The following HECW2 variants were observed in gnomAD, a reference collection of about 807,000 sequenced individuals.
The protein encoded by HECW2 is HECT, C2 and WW domain containing E3 ubiquitin protein ligase 2, also known as E3 ubiquitin-protein ligase HECW2.
Under a neutral mutation model 175.2 loss-of-function variants are expected in HECW2, and 61 were observed. That is an observed-to-expected ratio of 0.35 (90% confidence interval 0.28 to 0.43). The LOEUF (loss-of-function observed/expected upper bound fraction) is 0.43. Ranked by LOEUF, HECW2 falls within the 20% of genes least tolerant of loss-of-function variation. The probability of loss-of-function intolerance (pLI) is 1.00; values close to 1 mark genes in which losing one functional copy is unlikely to be tolerated. For missense variants in HECW2, 1,524 were observed against 2,000.5 expected, an observed-to-expected ratio of 0.76 and a Z score of 4.54; for synonymous variants, 671 against 731.0, an observed-to-expected ratio of 0.92 and a Z score of 1.32.
chr2:196,354,752 G>A, intron 2 of HECW2, among the ~76,000 whole-genome samples: 1 of 150,236 alleles, frequency 6.7e-6, no homozygotes, highest in East Asian at 1.9e-4. Flanking sequence ...CTTAAACTCT[G>A]GATCTTTATA....
intron 16 of HECW2, among the ~76,000 whole-genome samples, chr2:196,271,845 A>G (rs1689752513): frequency 6.6e-6 from 1 of 152,222 alleles, no homozygotes; most frequent in African/African-American, 2.4e-5. Context: ...TGTGCCCACC[A>G]CTATAGGTGC....
chr2:196,576,976 G>T (rs767730973), intron 1 of HECW2, among the ~76,000 whole-genome samples: 1 of 152,102 alleles, frequency 6.6e-6, no homozygotes, highest in Non-Finnish European at 1.5e-5. Flanking sequence ...CACTTATACA[G>T]GAAGGAAAAT....
Position 196,346,298 on chromosome 2 carries a change from C to A in HECW2, c.293-2534G>T, listed in dbSNP as rs568461589. The stretch of plus-strand genomic sequence containing the variant: ...ACATGACAATTTTGGGAACATGGAC[C>A]AGTGAGGGTCAAAAATTAGAATGGA... On this transcript the variant is annotated intron_variant, in intron 2 of 28. Coordinates refer to ENST00000644978, the MANE Select transcript of HECW2 (RefSeq NM_001348768.2). Among the ~76,000 whole-genome samples, 4 of 152,238 alleles carry A rather than the reference C, an allele frequency of 2.6e-5. No homozygotes were observed. In the South Asian group the frequency reaches 8.3e-4, roughly 32 times the overall value.
intron 21 of HECW2, among the ~76,000 whole-genome samples, chr2:196,235,271 T>G (rs1688205551): frequency 6.6e-6 from 1 of 151,946 alleles, no homozygotes; most frequent in Non-Finnish European, 1.5e-5. Flanking sequence ...CTAATTTTTT[T>G]GTATTTTTAT....
chr2:196,483,899 A>C (rs1414216799), intron 1 of HECW2, among the ~76,000 whole-genome samples: 6 of 152,204 alleles, frequency 3.9e-5, no homozygotes, highest in Admixed American at 1.3e-4. Context: ...AGGGGGAAAA[A>C]ACATGACATT....
chr2:196,410,533 C>A (rs1695082444), intron 2 of HECW2, among the ~76,000 whole-genome samples: 1 of 151,958 alleles, frequency 6.6e-6, no homozygotes, highest in African/African-American at 2.4e-5. Flanking sequence ...TCTGTTATGT[C>A]CGATCAGATC....
chr2:196,461,413 G>A (rs1471541713), intron 1 of HECW2, among the ~76,000 whole-genome samples: 1 of 152,162 alleles, frequency 6.6e-6, no homozygotes, highest in East Asian at 1.9e-4. Context: ...TTGCTGATCA[G>A]AGTACAAAAT....
At chr2:196,390,259 G>A (rs1269085990) in intron 2 of HECW2, among the ~76,000 whole-genome samples, 1 of 152,118 alleles carries the variant, frequency 6.6e-6, no homozygotes, top group Non-Finnish European at 1.5e-5. Context: ...TTGCATCCAG[G>A]CCATTGGTCT....
At chr2:196,400,930 T>C in intron 2 of HECW2, among the ~76,000 whole-genome samples, 1 of 152,196 alleles carries the variant, frequency 6.6e-6, no homozygotes, top group East Asian at 1.9e-4. Flanking sequence ...TAAAACTTCA[T>C]CTGTGATATA....
chr2:196,539,347 C>T (rs16853518), intron 1 of HECW2, among the ~76,000 whole-genome samples: 174 of 152,274 alleles, frequency 1.1e-3, no homozygotes, highest in South Asian at 4.4e-3. Context: ...AATACTTTTA[C>T]GTAGGCCGGA....
intron 1 of HECW2, among the ~76,000 whole-genome samples, chr2:196,539,994 G>A (rs918642486): frequency 2.0e-5 from 3 of 152,214 alleles, no homozygotes; most frequent in Admixed American, 6.5e-5. Flanking sequence ...GACAGCGGAT[G>A]AATGAGCAGT....
intron 1 of HECW2, among the ~76,000 whole-genome samples, chr2:196,459,777 G>T (rs1425368635): frequency 6.6e-6 from 1 of 152,264 alleles, no homozygotes; most frequent in East Asian, 1.9e-4. Flanking sequence ...GTCCACGGAG[G>T]ATGTGCAGGG....
chr2:196,401,025 C>T (rs1031415776), intron 2 of HECW2, among the ~76,000 whole-genome samples: 2 of 152,114 alleles, frequency 1.3e-5, no homozygotes, highest in African/African-American at 2.4e-5. Flanking sequence ...AACAGACTTC[C>T]GGAAACTGAA....
chr2:196,234,042 CCAGT>C (rs1469853934), intron 21 of HECW2, among the ~76,000 whole-genome samples: 1 of 152,164 alleles, frequency 6.6e-6, no homozygotes, highest in African/African-American at 2.4e-5. Flanking sequence ...CATCTCCACC[CCAGT>C]CAAAGTGTGG....
chr2:196,567,265 G>C (rs1311651228), intron 1 of HECW2, among the ~76,000 whole-genome samples: 2 of 152,210 alleles, frequency 1.3e-5, no homozygotes, highest in Non-Finnish European at 2.9e-5. Flanking sequence ...GTAGAAATAA[G>C]AGAGAAATAA....
At chr2:196,278,895 G>A (rs1690079762) in intron 14 of HECW2, among the ~76,000 whole-genome samples, 1 of 152,064 alleles carries the variant, frequency 6.6e-6, no homozygotes, top group Admixed American at 6.6e-5. Context: ...ATTATGCCTG[G>A]TTTTAGGAAA....
intron 1 of HECW2, among the ~76,000 whole-genome samples, chr2:196,578,429 G>T (rs901808327): frequency 6.6e-6 from 1 of 152,126 alleles, no homozygotes; most frequent in Non-Finnish European, 1.5e-5. Flanking sequence ...AAAGAGGAAA[G>T]AAATTGAAAG....
chr2:196,334,409 G>T lies in HECW2; in HGVS notation c.495+15C>A, dbSNP rs1011622508. On this transcript the variant is annotated intron_variant, in intron 4 of 28. Coordinates refer to ENST00000644978, the MANE Select transcript of HECW2 (RefSeq NM_001348768.2). The stretch of plus-strand genomic sequence containing the variant: ...CATGGATCTCACAAGGAAGCTGGCA[G>T]CGAGGGGCACTCACCATCACAGCTG... 1 of 1,590,352 alleles carries T rather than the reference G, an allele frequency of 6.3e-7. No homozygotes were observed. Among genetic ancestry groups the T allele is most frequent in the Non-Finnish European group, 8.6e-7 (1 of 1,166,378 alleles).
intron 19 of HECW2, among the ~76,000 whole-genome samples, chr2:196,244,513 A>G (rs1315374255): frequency 1.3e-5 from 2 of 152,166 alleles, no homozygotes; most frequent in African/African-American, 4.8e-5. Flanking sequence ...ACGAGGCATG[A>G]GCTCACCACT....
Sources: gnomAD v4.1 joint callset for allele counts (sites outside exome capture counted in the v4.1 genomes callset) on GRCh38, gnomAD v4.1.1 for gene constraint, MANE v1.5 for transcripts, NCBI Gene and HGNC (gene_info 2026-07-23, HGNC 2026-07-21) for gene names.